The following SLC39A12 variants were observed in gnomAD, a reference collection of about 807,000 sequenced individuals.
SLC39A12 encodes the protein zinc transporter ZIP12.
SLC39A12 carries 63 observed loss-of-function variants against 71.1 expected under a neutral mutation model. That is an observed-to-expected ratio of 0.89 (90% confidence interval 0.72 to 1.09). SLC39A12 has a LOEUF of 1.09. Ranked by LOEUF, SLC39A12 falls within the 50% of genes least tolerant of loss-of-function variation. The pLI, the probability that SLC39A12 is intolerant of heterozygous loss-of-function variation, is 0.00. For synonymous variants in SLC39A12, 351 were observed against 301.3 expected (o/e 1.16, Z -1.71); for missense variants, 892 against 812.6 (o/e 1.10, Z -1.19).
chr10:18,042,429 G>A (rs886514082), intron 12 of SLC39A12, among the ~76,000 whole-genome samples: 1 of 135,496 alleles, frequency 7.4e-6, no homozygotes, highest in African/African-American at 2.9e-5. Flanking sequence ...TTGCACTCCA[G>A]CCTGGGTGAC....
chr10:18,025,988 C>T (rs1280810112), intron 12 of SLC39A12, among the ~76,000 whole-genome samples: 1 of 152,138 alleles, frequency 6.6e-6, no homozygotes, highest in South Asian at 2.1e-4. Flanking sequence ...TCTAATTCTT[C>T]CCTCCTGTCT....
chr10:18,033,863 T>C (rs1367055352), intron 12 of SLC39A12, among the ~76,000 whole-genome samples: 1 of 152,124 alleles, frequency 6.6e-6, no homozygotes, highest in Non-Finnish European at 1.5e-5. Flanking sequence ...TTTGCTCTCA[T>C]TGGTTTCAAA....
Position 17,960,904 on chromosome 10 carries a change from G to A in SLC39A12, c.262-677G>A, listed in dbSNP as rs191740779. Among the ~76,000 whole-genome samples the A allele has an allele frequency of 7.1e-3, 1,088 of 152,180 alleles. 5 individuals are homozygous for A. Among genetic ancestry groups the A allele is most frequent in the Middle Eastern group, 0.02 (6 of 294 alleles). ...AATAATTTAATCTTGGATACATAAG[G>A]TTAAAATATTACAAAAGTTACTTTT... On this transcript the variant is annotated intron_variant, in intron 2 of 12. Coordinates refer to ENST00000377369, the MANE Select transcript of SLC39A12 (RefSeq NM_001145195.2).
chr10:17,993,357 A>G (rs1363444705), intron 9 of SLC39A12, 66 bp downstream of exon 9: 2 of 1,108,248 alleles, frequency 1.8e-6, no homozygotes, highest in East Asian at 2.6e-5. Context: ...CTCAATGAAC[A>G]AATGAAAATC....
intron 12 of SLC39A12, chr10:18,004,284 C>T (rs1379334698): frequency 1.3e-5 from 2 of 152,026 alleles, no homozygotes; most frequent in Non-Finnish European, 2.9e-5. Context: ...TGAAATCAGG[C>T]TGTGTAAAAG....
chr10:17,980,627 C>T (rs1835229753), intron 5 of SLC39A12, among the ~76,000 whole-genome samples: 1 of 152,110 alleles, frequency 6.6e-6, no homozygotes, highest in Non-Finnish European at 1.5e-5. Flanking sequence ...CCTTATTCTT[C>T]TCTCTCATAA....
At chr10:17,962,776 G>A (rs1564639119) in intron 3 of SLC39A12, among the ~76,000 whole-genome samples, 1 of 152,104 alleles carries the variant, frequency 6.6e-6, no homozygotes, top group Non-Finnish European at 1.5e-5. Flanking sequence ...TGTTTGCTAA[G>A]GACTTTGTGA....
intron 2 of SLC39A12, among the ~76,000 whole-genome samples, chr10:17,956,938 A>G (rs1366722688): frequency 6.6e-6 from 1 of 152,128 alleles, no homozygotes; most frequent in Non-Finnish European, 1.5e-5. Context: ...ACATCCTTCC[A>G]GCTCTTTGTC....
intron 12 of SLC39A12, among the ~76,000 whole-genome samples, chr10:18,008,130 C>T (rs866598891): frequency 6.6e-6 from 1 of 152,216 alleles, no homozygotes; most frequent in African/African-American, 2.4e-5. Context: ...CAGGAGTTCT[C>T]AACCCCTGGT....
chr10:17,983,830 G>A lies in SLC39A12; in HGVS notation c.1096+2347G>A, dbSNP rs370235487. On this transcript the variant is annotated intron_variant, in intron 6 of 12. Coordinates refer to ENST00000377369, the MANE Select transcript of SLC39A12 (RefSeq NM_001145195.2). ...TAGAAAAACATCACTGTCCTCAATC[G>A]AAAATGTTGCATTATGTGAATAGGG... is the stretch of plus-strand genomic sequence containing the variant. Among the ~76,000 whole-genome samples, 128 of 152,146 alleles carry A rather than the reference G, an allele frequency of 8.4e-4. 1 individual carries two copies. Among genetic ancestry groups the A allele is most frequent in the African/African-American group, 2.9e-3 (121 of 41,516 alleles).
rs770775218 is a variant in SLC39A12, at chr10:17,978,033, A to G, written c.883A>G (p.Met295Val). 3.1e-6 allele frequency: 5 copies of G among 1,605,530 alleles called. No homozygotes were observed. Among genetic ancestry groups the G allele is most frequent in the South Asian group, 1.1e-5 (1 of 89,308 alleles). The change falls in exon 5 of 13, where the codon ATG becomes GTG. Residue 295 changes from methionine (M) to valine (V), a missense_variant. By Grantham distance (21) the Met-to-Val change is conservative (BLOSUM62 1). Coordinates refer to ENST00000377369, the MANE Select transcript of SLC39A12 (RefSeq NM_001145195.2). ...GGACTATTCTAATTTCTCTTCATCC[A>G]TGGAAAAAGAGTCTGAGGATGGTCC... ...DQDYSNFSSSMEKESEDGPVS... is the reference protein window; with the variant it reads ...DQDYSNFSSSVEKESEDGPVS...
chr10:18,012,963 A>G (rs2130863903), intron 12 of SLC39A12, among the ~76,000 whole-genome samples: 1 of 152,024 alleles, frequency 6.6e-6, no homozygotes, highest in African/African-American at 2.4e-5. Context: ...GTTTATGCTC[A>G]GGGACTTTGA....
chr10:17,970,894 G>A (rs185055553), intron 4 of SLC39A12, among the ~76,000 whole-genome samples: 1 of 152,122 alleles, frequency 6.6e-6, no homozygotes, highest in African/African-American at 2.4e-5. Flanking sequence ...CTGAGAGAAA[G>A]GGCTTTCAGT....
intron 12 of SLC39A12, among the ~76,000 whole-genome samples, chr10:18,038,045 A>AAAAAAAAAAAC (rs1837111007): frequency 7.1e-6 from 1 of 141,326 alleles, no homozygotes; most frequent in African/African-American, 2.7e-5. Context: ...AAAAAAAAAA[A>AAAAAAAAAAAC]AAAAAAGCAC....
At chr10:17,998,484 A>G (rs1835746649) in intron 10 of SLC39A12, among the ~76,000 whole-genome samples, 1 of 152,192 alleles carries the variant, frequency 6.6e-6, no homozygotes, top group Non-Finnish European at 1.5e-5. Context: ...GAGCAGTTAA[A>G]TGATCTAGTA....
chr10:18,001,041 G>A (rs1337166574), intron 11 of SLC39A12, among the ~76,000 whole-genome samples: 1 of 151,822 alleles, frequency 6.6e-6, no homozygotes, highest in East Asian at 1.9e-4. Flanking sequence ...TGTTTCCCAG[G>A]GCCAGAAATG....
intron 4 of SLC39A12, among the ~76,000 whole-genome samples, chr10:17,971,967 T>C (rs924501219): frequency 6.6e-6 from 1 of 152,204 alleles, no homozygotes; most frequent in Non-Finnish European, 1.5e-5. Context: ...TAGGCACTTA[T>C]AGCTATAAAC....
At chr10:18,020,258 C>T (rs550870999) in intron 12 of SLC39A12, among the ~76,000 whole-genome samples, 55 of 152,072 alleles carry the variant, frequency 3.6e-4, no homozygotes, top group African/African-American at 1.2e-3. Flanking sequence ...CTTAGGATAA[C>T]GGCCACCAGT....
chr10:17,978,092 C>T lies in SLC39A12; in HGVS notation c.924+18C>T, dbSNP rs1835161221. 2.0e-6 allele frequency: 3 copies of T among 1,530,978 alleles called. No individual in the cohort carries two copies. In the East Asian group the frequency reaches 7.3e-5, roughly 37 times the overall value. 94.8% of individuals were successfully genotyped at this position (1,530,978 alleles called of 1,614,324 possible). A position where few individuals can be genotyped will look rare whatever the true frequency, so the allele number is the denominator to read the frequency against. ...GGGATCAGGTATTGCCATTGTTTCT[C>T]TTATTCAAGCATTTGCTACTGTCAA... On this transcript the variant is annotated intron_variant, in intron 5 of 12. Transcript: ENST00000377369.
Sources: allele counts gnomAD v4.1 joint callset (sites outside exome capture counted in the v4.1 genomes callset), GRCh38; gene constraint gnomAD v4.1.1; transcripts MANE v1.5; gene names NCBI Gene and HGNC (gene_info 2026-07-23, HGNC 2026-07-21).